SNTG1: variants seen among roughly 807,000 people sequenced by gnomAD.
SNTG1 encodes the protein gamma-1-syntrophin.
In SNTG1, 39 loss-of-function variants were observed where a neutral mutation model predicts 74.7. The ratio of observed to expected loss-of-function variants is 0.52; its 90% CI spans 0.40 to 0.68. SNTG1 has a LOEUF of 0.68. Ranked by LOEUF, SNTG1 falls within the 30% of genes least tolerant of loss-of-function variation. The probability of loss-of-function intolerance (pLI) is 0.00; values close to 1 mark genes in which losing one functional copy is unlikely to be tolerated. For missense variants in SNTG1, 685 were observed against 609.5 expected (o/e 1.12, Z -1.30); for synonymous variants, 254 against 217.1 (o/e 1.17, Z -1.49).
At position 50,583,971 on chromosome 8, in the gene SNTG1, G is replaced by A. The variant is rs140034018; in HGVS notation, c.811-6908G>A. On this transcript the variant is annotated intron_variant, in intron 12 of 18. Coordinates refer to ENST00000642720, the MANE Select transcript of SNTG1 (RefSeq NM_018967.5). ...CAGAGTGTGATGTTCCCCTTCCTGC[G>A]TCCAGGTGTTCTCATTGTTCAATTC... 2.7e-3 allele frequency among the ~76,000 whole-genome samples: 412 copies of A among 151,812 alleles called. 1 individual carries two copies. The highest frequency in any genetic ancestry group is 9.1e-3 in the African/African-American group (378 of 41,382).
intron 13 of SNTG1, among the ~76,000 whole-genome samples, chr8:50,623,676 A>T (rs933238315): frequency 2.0e-5 from 3 of 151,482 alleles, no homozygotes; most frequent in Non-Finnish European, 2.9e-5. Flanking sequence ...TATATCATGA[A>T]GTATTTGAAA....
intron 2 of SNTG1, among the ~76,000 whole-genome samples, chr8:50,305,295 A>G (rs1287410271): frequency 6.6e-6 from 1 of 151,926 alleles, no homozygotes; most frequent in Non-Finnish European, 1.5e-5. Flanking sequence ...GGACAGTCTA[A>G]TTTTCTTTCT....
chr8:50,472,936 A>T (rs1000318432), intron 8 of SNTG1, among the ~76,000 whole-genome samples: 1 of 152,170 alleles, frequency 6.6e-6, no homozygotes, highest in Non-Finnish European at 1.5e-5. Flanking sequence ...AAAATGCTCA[A>T]CACACTAATC....
At chr8:50,442,049 C>T (rs371356104) in intron 5 of SNTG1, among the ~76,000 whole-genome samples, 72 of 152,306 alleles carry the variant, frequency 4.7e-4, no homozygotes, top group Admixed American at 1.6e-3. Flanking sequence ...TTAGCGCATG[C>T]TGCACATGGA....
chr8:50,563,929 A>AT (rs2094501656), intron 12 of SNTG1, among the ~76,000 whole-genome samples: 1 of 152,162 alleles, frequency 6.6e-6, no homozygotes, highest in Non-Finnish European at 1.5e-5. Context: ...TAGCAATTAA[A>AT]TTTTTTGACA....
At chr8:50,012,525 CA>C (rs1815910535) in intron 1 of SNTG1, among the ~76,000 whole-genome samples, 1 of 152,244 alleles carries the variant, frequency 6.6e-6, no homozygotes, top group African/African-American at 2.4e-5. Flanking sequence ...GTTAGGAATT[CA>C]GGTTTTTAAA....
chr8:50,776,520 A>G (rs1408636770), intron 18 of SNTG1, among the ~76,000 whole-genome samples: 1 of 147,800 alleles, frequency 6.8e-6, no homozygotes, highest in Non-Finnish European at 1.5e-5. Context: ...TATGTCTTAT[A>G]TTTCATATTT....
intron 2 of SNTG1, among the ~76,000 whole-genome samples, chr8:50,222,181 T>A (rs1007160802): frequency 6.6e-6 from 1 of 152,168 alleles, no homozygotes; most frequent in Admixed American, 6.5e-5. Flanking sequence ...GTTGCAAACC[T>A]TGTGACCTCT....
At chr8:50,092,965 T>C (rs1477424199) in intron 1 of SNTG1, among the ~76,000 whole-genome samples, 1 of 152,292 alleles carries the variant, frequency 6.6e-6, no homozygotes, top group East Asian at 1.9e-4. Context: ...AGGAAAGCAC[T>C]GTGGCTGGTG....
At position 49,991,265 on chromosome 8, in the gene SNTG1, G is replaced by A. The variant is rs376176856; in HGVS notation, c.-103+79034G>A. On this transcript the variant is annotated intron_variant, in intron 1 of 18. Coordinates refer to ENST00000642720, the MANE Select transcript of SNTG1 (RefSeq NM_018967.5). ...AATGGCATTTCATATACACTAGGAT[G>A]CCTGTGATCAAAAAGAAAGGTAATA... Among the ~76,000 whole-genome samples the A allele has an allele frequency of 2.9e-4, 44 of 152,214 alleles. 2 individuals carry two copies. Among genetic ancestry groups the A allele is most frequent in the East Asian group, 2.1e-3 (11 of 5,174 alleles).
intron 2 of SNTG1, among the ~76,000 whole-genome samples, chr8:50,271,481 G>A (rs1484161845): frequency 6.6e-6 from 1 of 152,166 alleles, no homozygotes; most frequent in African/African-American, 2.4e-5. Flanking sequence ...TGAATAGGCA[G>A]TAAGTTTTAA....
chr8:50,538,507 AC>A (rs1390262321), intron 11 of SNTG1, among the ~76,000 whole-genome samples: 2 of 152,140 alleles, frequency 1.3e-5, no homozygotes, highest in East Asian at 3.8e-4. Context: ...TTCTTTCAGT[AC>A]CTAAAATATG....
chr8:50,168,227 C>A (rs1269023410), intron 1 of SNTG1, among the ~76,000 whole-genome samples: 3 of 151,938 alleles, frequency 2.0e-5, no homozygotes, highest in Non-Finnish European at 4.4e-5. Context: ...ATTATAATTC[C>A]TGACTATTAA....
At chr8:50,338,476 GA>G (rs1219262853) in intron 2 of SNTG1, among the ~76,000 whole-genome samples, 1 of 152,140 alleles carries the variant, frequency 6.6e-6, no homozygotes, top group Non-Finnish European at 1.5e-5. Flanking sequence ...TTGAATTAAT[GA>G]ATTGGTAGTT....
At chr8:50,202,109 C>T (rs1483924498) in intron 2 of SNTG1, among the ~76,000 whole-genome samples, 1 of 152,116 alleles carries the variant, frequency 6.6e-6, no homozygotes, top group African/African-American at 2.4e-5. Context: ...TTCCCAACCC[C>T]ATCAATGAGG....
intron 1 of SNTG1, among the ~76,000 whole-genome samples, chr8:50,105,288 T>A (rs1436138888): frequency 6.6e-6 from 1 of 152,132 alleles, no homozygotes; most frequent in Non-Finnish European, 1.5e-5. Context: ...GAATAGGAAG[T>A]TCTTTTCCCA....
intron 1 of SNTG1, among the ~76,000 whole-genome samples, chr8:50,019,984 G>A (rs1461306668): frequency 6.6e-6 from 1 of 152,032 alleles, no homozygotes; most frequent in African/African-American, 2.4e-5. Flanking sequence ...TAAAACAGAT[G>A]GCAATTTGAC....
At chr8:50,245,147 G>T (rs751043483) in intron 2 of SNTG1, among the ~76,000 whole-genome samples, 1 of 152,102 alleles carries the variant, frequency 6.6e-6, no homozygotes, top group Non-Finnish European at 1.5e-5. Flanking sequence ...CAGTCAGATT[G>T]TTCTCTCTCT....
chr8:50,445,360 C>T (rs1462340966), intron 5 of SNTG1, among the ~76,000 whole-genome samples: 2 of 152,130 alleles, frequency 1.3e-5, no homozygotes, highest in Non-Finnish European at 2.9e-5. Context: ...TATGCATCTT[C>T]CCTGCACCCC....
Sources: allele counts gnomAD v4.1 joint callset (sites outside exome capture counted in the v4.1 genomes callset), GRCh38; gene constraint gnomAD v4.1.1; transcripts MANE v1.5; gene names NCBI Gene and HGNC (gene_info 2026-07-23, HGNC 2026-07-21).